Variants in STMND1 observed in about 807,000 individuals in gnomAD.
The protein encoded by STMND1 is stathmin domain containing 1, also known as stathmin domain-containing protein 1.
A neutral mutation model predicts 23.0 loss-of-function variants in STMND1; 17 were observed. That is an observed-to-expected ratio of 0.74 (90% confidence interval 0.51 to 1.11). The LOEUF (loss-of-function observed/expected upper bound fraction) is 1.11, where lower values mean the gene tolerates loss of function less well. Ranked by LOEUF, STMND1 falls within the 50% of genes least tolerant of loss-of-function variation. STMND1 has a pLI of 0.00. For missense variants in STMND1, 305 were observed against 329.1 expected (o/e 0.93, Z 0.57); for synonymous variants, 114 against 119.9 (o/e 0.95, Z 0.32).
intron 3 of STMND1, among the ~76,000 whole-genome samples, chr6:17,125,799 T>C (rs989680822): frequency 5.9e-5 from 9 of 151,948 alleles, no homozygotes; most frequent in Non-Finnish European, 1.5e-5. Flanking sequence ...CGTAGGTCAA[T>C]AGTTAATTAA....
chr6:17,130,800 T>G lies in STMND1; in HGVS notation c.750T>G (p.Ile250Met), dbSNP rs1217674321. Residue 250 changes from isoleucine (I) to methionine (M), a missense_variant, in exon 5 of 5, where the codon ATT becomes ATG. Coordinates refer to ENST00000536551, the MANE Select transcript of STMND1 (RefSeq NM_001190766.2). Reference sequence around the variant, plus strand: ...AGAGTAAATGTGATGCAACCTTGATTGATAGAAACGAAAGTGATGAAAGTT... The same window carrying G: ...AGAGTAAATGTGATGCAACCTTGATGGATAGAAACGAAAGTGATGAAAGTT... ...RKKSKCDATL[I>M]DRNESDESFG... The G allele has an allele frequency of 2.6e-6, 4 of 1,535,926 alleles. No homozygotes were observed. The African/African-American group carries it at 5.5e-5, about 21-fold the overall frequency.
chr6:17,130,956 TTGAC>T lies in STMND1; in HGVS notation c.*84_*87del, dbSNP rs943406478. The T allele has an allele frequency of 3.0e-5, 40 of 1,340,150 alleles. No individual in the cohort carries two copies. The East Asian group carries it at 3.8e-4, about 13-fold the overall frequency. The allele number at this position is 1,340,150 out of a possible 1,614,324, so 83.0% of individuals were successfully genotyped here. ...ACATTTGTAGTATGTCTCATATTCTTTGACTGACTGACCTCATTCCACTGGGATT... is the reference window on the plus strand; with the variant it reads ...ACATTTGTAGTATGTCTCATATTCTTTGACTGACCTCATTCCACTGGGATT... On this transcript the variant is annotated 3_prime_UTR_variant, in exon 5 of 5. Coordinates refer to ENST00000536551, the MANE Select transcript of STMND1 (RefSeq NM_001190766.2).
chr6:17,116,154 C>T (rs995168203), intron 2 of STMND1, among the ~76,000 whole-genome samples: 2 of 152,150 alleles, frequency 1.3e-5, no homozygotes, highest in African/African-American at 4.8e-5. Flanking sequence ...GACCTGGTGA[C>T]CCAGAACAGT....
intron 3 of STMND1, among the ~76,000 whole-genome samples, chr6:17,125,578 G>A (rs1761284870): frequency 6.6e-6 from 1 of 152,148 alleles, no homozygotes; most frequent in South Asian, 2.1e-4. Context: ...TTGCATAAGA[G>A]TCTCTACCAT....
chr6:17,110,259 C>T (rs1302558611), intron 1 of STMND1, among the ~76,000 whole-genome samples: 7 of 152,200 alleles, frequency 4.6e-5, no homozygotes, highest in Admixed American at 4.6e-4. Context: ...CGTCACGTGC[C>T]TGTAGTCCTA....
At chr6:17,110,516 T>C in intron 1 of STMND1, 1 of 248,700 alleles carries the variant, frequency 4.0e-6, no homozygotes, top group Admixed American at 4.8e-5. Flanking sequence ...ACGTCTGTAA[T>C]CCCAACACTT....
chr6:17,112,290 G>A (rs538136567), intron 1 of STMND1, among the ~76,000 whole-genome samples: 2 of 152,210 alleles, frequency 1.3e-5, no homozygotes, highest in African/African-American at 4.8e-5. Context: ...ACGTATGTCA[G>A]TGTTTAATTT....
chr6:17,115,703 A>G (rs1405249708), intron 2 of STMND1, among the ~76,000 whole-genome samples: 1 of 152,176 alleles, frequency 6.6e-6, no homozygotes, highest in Non-Finnish European at 1.5e-5. Flanking sequence ...CCTGGTGTCC[A>G]TTTAAGTCAT....
intron 3 of STMND1, among the ~76,000 whole-genome samples, chr6:17,121,202 A>C (rs1761229584): frequency 6.6e-6 from 1 of 152,192 alleles, no homozygotes; most frequent in Non-Finnish European, 1.5e-5. Context: ...AGAACTCTGA[A>C]TCAATTAAAC....
intron 1 of STMND1, among the ~76,000 whole-genome samples, chr6:17,111,084 G>A (rs1193543643): frequency 6.6e-6 from 1 of 152,152 alleles, no homozygotes; most frequent in African/African-American, 2.4e-5. Flanking sequence ...AATTAATTCA[G>A]CTTTGTGAAA....
intron 1 of STMND1, chr6:17,110,811 T>C (rs1761087979): frequency 2.2e-6 from 1 of 455,758 alleles, no homozygotes; most frequent in African/African-American, 2.0e-5. Context: ...GGGAAGACAT[T>C]ACCGAGTGGA....
chr6:17,124,219 C>T (rs530635178), intron 3 of STMND1, among the ~76,000 whole-genome samples: 1 of 152,220 alleles, frequency 6.6e-6, no homozygotes, highest in East Asian at 1.9e-4. Context: ...TAGGGAATAA[C>T]ATTCTTTTAA....
At chr6:17,117,734 G>A (rs1293500543) in intron 2 of STMND1, among the ~76,000 whole-genome samples, 6 of 122,198 alleles carry the variant, frequency 4.9e-5, no homozygotes, top group African/African-American at 1.8e-4. Flanking sequence ...GGATTGCAGT[G>A]GTGCAGTCTC....
In STMND1 at chr6:17,120,642, TC is replaced by T. The variant is rs1324696964; in HGVS notation, c.298del (p.Leu100Ter). 6 of 1,533,614 alleles carry T rather than the reference TC, an allele frequency of 3.9e-6. No homozygotes were observed. The highest frequency in any genetic ancestry group is 5.2e-6 in the Non-Finnish European group (6 of 1,146,042). On this transcript the variant is annotated frameshift_variant, in exon 3 of 5. Coordinates refer to ENST00000536551, the MANE Select transcript of STMND1 (RefSeq NM_001190766.2). LOFTEE classifies it high-confidence loss of function. ...CAATGGATTAATCAATAAACCCCAA[TC>T]CCTAGAGAGTCGAGAGCGACAGAAG... ...VTNGLINKPQ[S>X]LESRERQKSS...
chr6:17,122,724 G>A (rs1033723505), intron 3 of STMND1, among the ~76,000 whole-genome samples: 5 of 151,866 alleles, frequency 3.3e-5, no homozygotes, highest in African/African-American at 9.7e-5. Context: ...AGGATGTCGG[G>A]GGGCGGGGGG....
At chr6:17,121,438 A>G (rs1761232578) in intron 3 of STMND1, among the ~76,000 whole-genome samples, 1 of 152,174 alleles carries the variant, frequency 6.6e-6, no homozygotes, top group Non-Finnish European at 1.5e-5. Flanking sequence ...TACCTATGTA[A>G]TAGGCATTGT....
chr6:17,119,207 A>G (rs536185342), intron 2 of STMND1, among the ~76,000 whole-genome samples: 58 of 152,196 alleles, frequency 3.8e-4, no homozygotes, highest in Non-Finnish European at 6.9e-4. Flanking sequence ...AAGAGTAGAA[A>G]AAACAGCACT....
At position 17,129,840 on chromosome 6, in the gene STMND1, T is replaced by C. The variant is rs181206843; in HGVS notation, c.543+597T>C. Among the ~76,000 whole-genome samples the C allele has an allele frequency of 6.0e-3, 905 of 150,950 alleles. 8 individuals are homozygous for C. The highest frequency in any genetic ancestry group is 0.021 in the African/African-American group (860 of 41,138). ...GCCTGGGTGACAGAATGAGACCCCG[T>C]CTCCAAAAAAAAGAAAAAAAAAATT... is the stretch of plus-strand genomic sequence containing the variant. On this transcript the variant is annotated intron_variant, in intron 4 of 4. Coordinates refer to ENST00000536551, the MANE Select transcript of STMND1 (RefSeq NM_001190766.2).
In STMND1 at chr6:17,120,720, A is replaced by G. The variant is rs1761221745; in HGVS notation, c.373A>G (p.Ser125Gly). Residue 125 changes from serine to glycine, a missense_variant, in exon 3 of 5, where the codon AGC becomes GGC. By Grantham distance (56) the Ser-to-Gly change is moderately conservative. Transcript: ENST00000536551. ...LIVQGIIQSH[S>G]KVFRNGESYD... is the part of the protein sequence containing the mutation. Reference sequence around the variant, plus strand: ...TGTTCAAGGAATTATACAAAGCCACAGCAAAGTATTTAGAAATGGAGAATC... The same window carrying G: ...TGTTCAAGGAATTATACAAAGCCACGGCAAAGTATTTAGAAATGGAGAATC... 1 of 1,534,544 alleles carries G rather than the reference A, an allele frequency of 6.5e-7. No homozygotes were observed. The highest frequency in any genetic ancestry group is 8.7e-7 in the Non-Finnish European group (1 of 1,146,400).
Sources: allele counts gnomAD v4.1 joint callset (sites outside exome capture counted in the v4.1 genomes callset), GRCh38; gene constraint gnomAD v4.1.1; transcripts MANE v1.5; gene names NCBI Gene and HGNC (gene_info 2026-07-23, HGNC 2026-07-21).